Variants in BLM observed in about 807,000 individuals in gnomAD.
The protein encoded by BLM is BLM RecQ like helicase.
In BLM, 95 loss-of-function variants were observed where a neutral mutation model predicts 135.3. The ratio of observed to expected loss-of-function variants is 0.70; its 90% CI spans 0.59 to 0.83. The LOEUF (loss-of-function observed/expected upper bound fraction) is 0.83, where lower values mean the gene tolerates loss of function less well. BLM is among the 40% of genes least tolerant of loss of function. The pLI is 0.00. For missense variants in BLM, 1,518 were observed against 1,663.9 expected (o/e 0.91, Z 1.53); for synonymous variants, 520 against 589.2 (o/e 0.88, Z 1.70).
At chr15:90,800,406 G>A (rs112344256) in intron 17 of BLM, among the ~76,000 whole-genome samples, 19 of 152,230 alleles carry the variant, frequency 1.2e-4, no homozygotes, top group African/African-American at 4.6e-4. Flanking sequence ...GAGGAGGCTG[G>A]GCACGGTGGC....
At chr15:90,744,263 C>G (rs1895442351) in intron 1 of BLM, among the ~76,000 whole-genome samples, 1 of 152,210 alleles carries the variant, frequency 6.6e-6, no homozygotes, top group South Asian at 2.1e-4. Context: ...GGGCAATAGT[C>G]TGACTTCACT....
At chr15:90,718,083 C>G (rs1014969698) in intron 1 of BLM, among the ~76,000 whole-genome samples, 1 of 152,182 alleles carries the variant, frequency 6.6e-6, no homozygotes, top group African/African-American at 2.4e-5. Context: ...GAAATGGTCT[C>G]TTCTACTTCC....
At chr15:90,724,839 A>G (rs1035365915) in intron 1 of BLM, among the ~76,000 whole-genome samples, 2 of 152,118 alleles carry the variant, frequency 1.3e-5, no homozygotes, top group Non-Finnish European at 2.9e-5. Context: ...CCTTACCTAG[A>G]CATGATTGAT....
intron 12 of BLM, among the ~76,000 whole-genome samples, chr15:90,781,314 T>C (rs1896611819): frequency 6.6e-6 from 1 of 152,094 alleles, no homozygotes; most frequent in Admixed American, 6.6e-5. Context: ...AGAACGATTG[T>C]CTTGGACCAC....
At chr15:90,803,757 A>G (rs758291224) in intron 18 of BLM, 37 bp downstream of exon 18, 13 of 1,581,096 alleles carry the variant, frequency 8.2e-6, no homozygotes, top group South Asian at 2.2e-5. Flanking sequence ...TTATCTCACA[A>G]TGAGTGAACC....
At chr15:90,765,518 G>A (rs778888080) in intron 9 of BLM, 104 bp downstream of exon 9, 98 of 941,938 alleles carry the variant, frequency 1.0e-4, no homozygotes, top group Middle Eastern at 7.7e-4. Context: ...AAAAAATAAA[G>A]CACAGCAGTT....
At position 90,749,811 on chromosome 15, in the gene BLM, C is replaced by T. The variant is rs761288442; in HGVS notation, c.543C>T (p.Ser181=). ...TPPQSHFVRV[S]TAQKSKKGKR... ...CCCAAAGTCACTTTGTAAGAGTAAG[C>T]ACTGCTCAGAAATCAAAAAAGGGTA... The change falls in exon 3 of 22, where the codon AGC becomes AGT. Residue 181 remains serine (S), a synonymous_variant. Transcript: ENST00000355112. 49 of 1,602,582 alleles carry T rather than the reference C, an allele frequency of 3.1e-5. No homozygotes were observed. Among genetic ancestry groups the T allele is most frequent in the Non-Finnish European group, 4.1e-5 (48 of 1,174,880 alleles).
intron 5 of BLM, among the ~76,000 whole-genome samples, chr15:90,758,977 C>T (rs1380779316): frequency 6.6e-6 from 1 of 152,124 alleles, no homozygotes; most frequent in Non-Finnish European, 1.5e-5. Context: ...GCCTGTCCAA[C>T]GCTTAACAAT....
At chr15:90,795,839 G>T (rs1409164756) in intron 16 of BLM, among the ~76,000 whole-genome samples, 1 of 152,220 alleles carries the variant, frequency 6.6e-6, no homozygotes, top group African/African-American at 2.4e-5. Context: ...AGGAGGAATG[G>T]GTAGAGTGCA....
chr15:90,744,297 T>G (rs906940195), intron 1 of BLM, among the ~76,000 whole-genome samples: 2 of 152,240 alleles, frequency 1.3e-5, no homozygotes, highest in Non-Finnish European at 2.9e-5. Context: ...TATTTATTCA[T>G]GTGGGAAAGA....
chr15:90,770,954 G>T (rs754711484), intron 12 of BLM, among the ~76,000 whole-genome samples: 1 of 152,184 alleles, frequency 6.6e-6, no homozygotes, highest in Non-Finnish European at 1.5e-5. Flanking sequence ...GTTTCTTCCA[G>T]CCTTTAAGTT....
At chr15:90,782,437 G>A (rs960690503) in intron 12 of BLM, among the ~76,000 whole-genome samples, 1 of 152,078 alleles carries the variant, frequency 6.6e-6, no homozygotes, top group African/African-American at 2.4e-5. Flanking sequence ...ATTAGCTTGG[G>A]CTGCTATGAC....
intron 1 of BLM, among the ~76,000 whole-genome samples, chr15:90,746,992 G>A (rs1480791397): frequency 6.6e-6 from 1 of 152,054 alleles, no homozygotes; most frequent in African/African-American, 2.4e-5. Context: ...GGCTTTCCGT[G>A]TGCTTTGATC....
chr15:90,789,599 G>A (rs866114342), intron 14 of BLM, among the ~76,000 whole-genome samples: 6 of 152,080 alleles, frequency 3.9e-5, no homozygotes, highest in Middle Eastern at 3.2e-3. Flanking sequence ...AACCGAGAGC[G>A]CAGGCCACTC....
At chr15:90,744,381 A>T (rs1473612395) in intron 1 of BLM, among the ~76,000 whole-genome samples, 1 of 151,930 alleles carries the variant, frequency 6.6e-6, no homozygotes, top group Non-Finnish European at 1.5e-5. Flanking sequence ...TTATTTATTT[A>T]TTTATTTTTT....
chr15:90,729,372 G>A (rs1567025797), intron 1 of BLM, among the ~76,000 whole-genome samples: 1 of 152,144 alleles, frequency 6.6e-6, no homozygotes, highest in Non-Finnish European at 1.5e-5. Context: ...TTATAGTTCT[G>A]TAGTTCAGAA....
chr15:90,809,115 C>A, intron 19 of BLM, 22 bp from the exon 20 acceptor site: 2 of 1,613,928 alleles, frequency 1.2e-6, no homozygotes, highest in South Asian at 1.1e-5. Flanking sequence ...ATTTAAATTC[C>A]TAATTTTATG....
At chr15:90,723,036 T>C (rs2151126872) in intron 1 of BLM, among the ~76,000 whole-genome samples, 1 of 152,250 alleles carries the variant, frequency 6.6e-6, no homozygotes, top group Admixed American at 6.5e-5. Context: ...GAGACGGGGT[T>C]ACATCATGTT....
chr15:90,786,418 C>G (rs1896751162), intron 14 of BLM, among the ~76,000 whole-genome samples: 1 of 152,156 alleles, frequency 6.6e-6, no homozygotes, highest in South Asian at 2.1e-4. Context: ...AATGGCAACT[C>G]TTTGTTTAAC....
Sources: gnomAD v4.1 joint callset for allele counts (sites outside exome capture counted in the v4.1 genomes callset) on GRCh38, gnomAD v4.1.1 for gene constraint, MANE v1.5 for transcripts, NCBI Gene and HGNC (gene_info 2026-07-23, HGNC 2026-07-21) for gene names.